The following SH3RF1 variants were observed in gnomAD, a reference collection of about 807,000 sequenced individuals.
SH3RF1 encodes SH3 domain containing ring finger 1.
In SH3RF1, 32 loss-of-function variants were observed where a neutral mutation model predicts 74.0. The ratio of observed to expected loss-of-function variants is 0.43; its 90% CI spans 0.33 to 0.58. The LOEUF is 0.58. Among genes scored for constraint, SH3RF1 ranks in the 20% least tolerant of loss-of-function variants. SH3RF1 has a pLI of 0.05. For synonymous variants in SH3RF1, 396 were observed against 439.6 expected (o/e 0.90, Z 1.24); for missense variants, 954 against 1,130.9 (o/e 0.84, Z 2.24).
At chr4:169,135,532 T>C (rs886559724) in intron 5 of SH3RF1, among the ~76,000 whole-genome samples, 1 of 152,176 alleles carries the variant, frequency 6.6e-6, no homozygotes, top group South Asian at 2.1e-4. Context: ...TGGATAATGA[T>C]AGCAGCCCCG....
intron 2 of SH3RF1, among the ~76,000 whole-genome samples, chr4:169,178,730 A>AT (rs1335555652): frequency 6.6e-6 from 1 of 152,188 alleles, no homozygotes; most frequent in African/African-American, 2.4e-5. Context: ...TAGACCATGT[A>AT]TGCAATAAAT....
chr4:169,175,868 G>A (rs1177801180), intron 2 of SH3RF1, among the ~76,000 whole-genome samples: 1 of 152,198 alleles, frequency 6.6e-6, no homozygotes, highest in Non-Finnish European at 1.5e-5. Flanking sequence ...ACCAGTGCGA[G>A]AGTATTTGGA....
intron 2 of SH3RF1, among the ~76,000 whole-genome samples, chr4:169,157,186 C>A (rs936165057): frequency 2.6e-5 from 4 of 152,194 alleles, no homozygotes; most frequent in African/African-American, 9.6e-5. Flanking sequence ...AGGCAAATCT[C>A]TTCCTGATAT....
rs761825014 is a variant in SH3RF1 at position 169,106,929 on chromosome 4, C to T, written c.2416G>A (p.Val806Ile). The change falls in exon 11 of 12, where the codon GTT (valine) becomes ATT (isoleucine). Residue 806 changes from valine to isoleucine, a missense_variant. Transcript: ENST00000284637. Reference protein sequence around the residue: ...HRKASSLDSAVPIAPPPRQAC... With the variant: ...HRKASSLDSAIPIAPPPRQAC... Reference sequence around the variant, plus strand: ...TGGCGAGGAGGTGGAGCGATGGGAACTGCGGAGTCCAGGGAACTTGCCTTC... The same window carrying T: ...TGGCGAGGAGGTGGAGCGATGGGAATTGCGGAGTCCAGGGAACTTGCCTTC... 4.3e-6 allele frequency: 7 copies of T among 1,613,800 alleles called. No homozygotes were observed. The South Asian group carries it at 7.7e-5, about 18-fold the overall frequency.
chr4:169,111,469 T>C (rs1465861439), intron 10 of SH3RF1, among the ~76,000 whole-genome samples: 1 of 151,684 alleles, frequency 6.6e-6, no homozygotes, highest in Non-Finnish European at 1.5e-5. Flanking sequence ...TTTGCTAAGT[T>C]GCTGAGGGTG....
chr4:169,116,146 G>C (rs1733327484), intron 10 of SH3RF1, 123 bp downstream of exon 10: 3 of 1,404,212 alleles, frequency 2.1e-6, no homozygotes, highest in African/African-American at 1.4e-5. Flanking sequence ...CTCACACGTA[G>C]GGAGCACCTG....
intron 4 of SH3RF1, among the ~76,000 whole-genome samples, chr4:169,137,735 G>C (rs753832346): frequency 1.3e-5 from 2 of 152,100 alleles, no homozygotes; most frequent in Non-Finnish European, 2.9e-5. Flanking sequence ...AACTCTCTCA[G>C]TCAATATTTT....
rs1276701738 is a variant in SH3RF1, at chr4:169,094,610, C to T, written c.*1909G>A. ...ATTTTTATAAAATACACTAATTTCC[C>T]AAAATAAAGAATATTATGACACATT... On this transcript the variant is annotated 3_prime_UTR_variant, in exon 12 of 12. Coordinates refer to ENST00000284637, the MANE Select transcript of SH3RF1 (RefSeq NM_020870.4). The T allele has an allele frequency of 6.6e-6, 1 of 152,076 alleles. No individual in the cohort carries two copies. The highest frequency in any genetic ancestry group is 1.5e-5 in the Non-Finnish European group (1 of 67,992). The allele number at this position is 152,076 out of a possible 1,614,324, so 9.4% of individuals were successfully genotyped here. A position where few individuals can be genotyped will look rare whatever the true frequency, so the allele number is the denominator to read the frequency against.
chr4:169,258,387 A>G (rs1418575810), intron 2 of SH3RF1, among the ~76,000 whole-genome samples: 1 of 152,234 alleles, frequency 6.6e-6, no homozygotes, highest in Non-Finnish European at 1.5e-5. Context: ...CTTCAGCAAC[A>G]TCACAGGCTT....
rs115034822 is a variant in SH3RF1 at position 169,143,123 on chromosome 4, T to C, written c.766-6503A>G. ...TAAAAATGTTTGTCTCTTAGAACTA[T>C]CAAGGGAAGGAAGTGCTGCCTCTAG... On this transcript the variant is annotated intron_variant, in intron 4 of 11. Coordinates refer to ENST00000284637, the MANE Select transcript of SH3RF1 (RefSeq NM_020870.4). Among the ~76,000 whole-genome samples, 1,368 of 152,324 alleles carry C rather than the reference T, an allele frequency of 9.0e-3. 18 individuals carry two copies. The highest frequency in any genetic ancestry group is 0.031 in the African/African-American group (1,282 of 41,562).
At chr4:169,170,069 TAA>T (rs908535469) in intron 2 of SH3RF1, among the ~76,000 whole-genome samples, 8 of 140,852 alleles carry the variant, frequency 5.7e-5, no homozygotes, top group East Asian at 2.0e-4. Context: ...GAGGCTTCCT[TAA>T]AAAAAAAAAA....
At chr4:169,219,578 G>A (rs916748891) in intron 2 of SH3RF1, among the ~76,000 whole-genome samples, 4 of 152,120 alleles carry the variant, frequency 2.6e-5, no homozygotes, top group Admixed American at 6.5e-5. Context: ...CCAAATATTT[G>A]AGGGATGGTG....
intron 5 of SH3RF1, among the ~76,000 whole-genome samples, chr4:169,135,174 A>AAAAC (rs143567645): frequency 5.8e-4 from 88 of 150,820 alleles, no homozygotes; most frequent in Middle Eastern, 3.4e-3. Flanking sequence ...ATCTCTATTA[A>AAAAC]AAACAAACAA....
rs573138086 is a variant in SH3RF1, at chr4:169,219,610, G to T, written c.393+49210C>A. On this transcript the variant is annotated intron_variant, in intron 2 of 11. Coordinates refer to ENST00000284637, the MANE Select transcript of SH3RF1 (RefSeq NM_020870.4). Reference sequence around the variant, plus strand: ...GGTGTATAAGGAGCAGCTTGTGTTTGTTCTTCCTTGTCTACTGTTTTGTAT... The same window carrying T: ...GGTGTATAAGGAGCAGCTTGTGTTTTTTCTTCCTTGTCTACTGTTTTGTAT... Among the ~76,000 whole-genome samples the T allele has an allele frequency of 6.6e-5, 10 of 152,272 alleles. No homozygotes were observed. In the East Asian group the frequency reaches 1.7e-3, roughly 26 times the overall value.
chr4:169,094,734 A>ATT lies in SH3RF1; in HGVS notation c.*1783_*1784dup, dbSNP rs11387896. The ATT allele has an allele frequency of 0.021, 3,112 of 148,612 alleles. 68 individuals are homozygous for ATT. Among genetic ancestry groups the ATT allele is most frequent in the Admixed American group, 0.057 (853 of 14,872 alleles). The allele number at this position is 148,612 out of a possible 1,614,324, so 9.2% of individuals were successfully genotyped here. ...TATTACATGAATATCCAAGTAAAGT[A>ATT]TTTTTTTTTTAAATTCAACACACAG... On this transcript the variant is annotated 3_prime_UTR_variant, in exon 12 of 12. Coordinates refer to ENST00000284637, the MANE Select transcript of SH3RF1 (RefSeq NM_020870.4).
chr4:169,161,793 C>T (rs191721930), intron 2 of SH3RF1, among the ~76,000 whole-genome samples: 145 of 152,250 alleles, frequency 9.5e-4, no homozygotes, highest in Non-Finnish European at 1.8e-3. Flanking sequence ...CAGAAACTTT[C>T]CAGAAAGAAC....
chr4:169,218,199 AT>A (rs1344808673), intron 2 of SH3RF1, among the ~76,000 whole-genome samples: 1 of 142,512 alleles, frequency 7.0e-6, no homozygotes, highest in East Asian at 2.0e-4. Context: ...ATATGTAAAT[AT>A]AATATAATAT....
chr4:169,268,984 T>C lies in SH3RF1; in HGVS notation c.229A>G (p.Lys77Glu). The change falls in exon 2 of 12, where the codon AAA becomes GAA. Residue 77 changes from lysine to glutamate, a missense_variant. This residue lies in a region of SH3RF1 where 64 missense variants were observed against 101.9 expected (regional missense o/e 0.63). Transcript: ENST00000284637. The stretch of plus-strand genomic sequence containing the variant: ...GGACCAGGTTTCCAAGGCCTCTGTT[T>C]GATGCCATCCAGAAGTCTGACCAGC... Reference protein sequence around the residue: ...ILLVRLLDGIKQRPWKPGPGG... With the variant: ...ILLVRLLDGIEQRPWKPGPGG... 1 of 1,614,166 alleles carries C rather than the reference T, an allele frequency of 6.2e-7. No individual in the cohort carries two copies. Among genetic ancestry groups the C allele is most frequent in the South Asian group, 1.1e-5 (1 of 91,078 alleles).
chr4:169,251,170 A>G (rs764480789), intron 2 of SH3RF1, among the ~76,000 whole-genome samples: 1 of 152,244 alleles, frequency 6.6e-6, no homozygotes, highest in South Asian at 2.1e-4. Context: ...AGTGGACAGA[A>G]GGTTAGTTAG....
Sources: allele counts gnomAD v4.1 joint callset (sites outside exome capture counted in the v4.1 genomes callset), GRCh38; gene constraint gnomAD v4.1.1; regional missense constraint gnomAD v4.1.1; transcripts MANE v1.5; gene names NCBI Gene and HGNC (gene_info 2026-07-23, HGNC 2026-07-21).